The following NT5M variants were observed in gnomAD, a reference collection of about 807,000 sequenced individuals.
NT5M encodes 5',3'-nucleotidase, mitochondrial, also known as 5'(3')-deoxyribonucleotidase, mitochondrial.
In NT5M, 22 loss-of-function variants were observed where a neutral mutation model predicts 22.2. That is an observed-to-expected ratio of 0.99 (90% CI 0.71 to 1.41). NT5M has a LOEUF of 1.41. NT5M is among the 40% of genes most tolerant of loss of function. NT5M has a pLI of 0.00. For missense variants in NT5M, 322 were observed against 314.8 expected, an observed-to-expected ratio of 1.02 and a Z score of -0.17; for synonymous variants, 167 against 133.0, an observed-to-expected ratio of 1.26 and a Z score of -1.76.
intron 1 of NT5M, among the ~76,000 whole-genome samples, chr17:17,306,304 T>C (rs937855100): frequency 6.6e-6 from 1 of 152,196 alleles, no homozygotes; most frequent in African/African-American, 2.4e-5. Flanking sequence ...TAGGAGTCCA[T>C]GGGCCTGACA....
intron 2 of NT5M, among the ~76,000 whole-genome samples, chr17:17,317,096 C>T (rs1180243451): frequency 1.3e-5 from 2 of 148,998 alleles, no homozygotes; most frequent in African/African-American, 5.0e-5. Context: ...GTCGCCCAGG[C>T]TGGAGTGCTG....
chr17:17,309,991 A>AT (rs1314027149), intron 2 of NT5M, among the ~76,000 whole-genome samples: 2 of 151,700 alleles, frequency 1.3e-5, no homozygotes, highest in Admixed American at 6.6e-5. Flanking sequence ...CACCTGGCTA[A>AT]TTTTTTGTAT....
chr17:17,331,073 T>C (rs1467438588), intron 3 of NT5M, among the ~76,000 whole-genome samples: 3 of 151,666 alleles, frequency 2.0e-5, no homozygotes, highest in Non-Finnish European at 4.4e-5. Context: ...AATTTCCAGT[T>C]GCTCCAGTAC....
intron 2 of NT5M, among the ~76,000 whole-genome samples, chr17:17,320,013 T>C (rs1161614062): frequency 1.3e-5 from 2 of 152,176 alleles, no homozygotes; most frequent in African/African-American, 4.8e-5. Flanking sequence ...CGGCTATTTT[T>C]CTATTTTTAG....
intron 2 of NT5M, among the ~76,000 whole-genome samples, chr17:17,314,037 A>ATTTT: frequency 7.6e-6 from 1 of 131,958 alleles, no homozygotes. Flanking sequence ...ATATGAATAT[A>ATTTT]TTCTTTTTTT....
In NT5M at chr17:17,331,585, C is replaced by T. The variant is rs577211896; in HGVS notation, c.429+8340C>T. 2.0e-4 allele frequency among the ~76,000 whole-genome samples: 30 copies of T among 151,360 alleles called. 2 individuals carry two copies. The highest frequency in any genetic ancestry group is 7.1e-4 in the African/African-American group (29 of 40,902). On this transcript the variant is annotated intron_variant, in intron 3 of 4. Transcript: ENST00000389022. ...GATTGTAGACAAAAGTGCATGATCC[C>T]TTTATTTATTTATGTAATTTTTTTT...
intron 1 of NT5M, 62 bp from the exon 2 acceptor site, chr17:17,306,481 C>G: frequency 8.5e-7 from 1 of 1,173,746 alleles, no homozygotes. Context: ...CCATACTCCC[C>G]AAGATGAGGG....
chr17:17,329,547 C>G (rs1182007355), intron 3 of NT5M, among the ~76,000 whole-genome samples: 1 of 152,204 alleles, frequency 6.6e-6, no homozygotes, highest in East Asian at 1.9e-4. Flanking sequence ...TCCAGTTCAA[C>G]AAGGGGAGTA....
intron 2 of NT5M, among the ~76,000 whole-genome samples, chr17:17,319,213 GAAA>G (rs36091965): frequency 1.5e-5 from 2 of 133,170 alleles, no homozygotes; most frequent in African/African-American, 5.7e-5. Context: ...CCTCGTCTTA[GAAA>G]AAAAAAAAAA....
At chr17:17,304,012 C>T (rs2145302696) in intron 1 of NT5M, 195 bp downstream of exon 1, 2 of 1,230,060 alleles carry the variant, frequency 1.6e-6, no homozygotes, top group Non-Finnish European at 2.0e-6. Context: ...TGTTGGCTGC[C>T]ATCCAAGGTT....
chr17:17,325,328 A>G (rs1474165104), intron 3 of NT5M, among the ~76,000 whole-genome samples: 1 of 151,258 alleles, frequency 6.6e-6, no homozygotes, highest in Admixed American at 6.6e-5. Flanking sequence ...AGCTCCAGAC[A>G]CTCAGACCCG....
intron 2 of NT5M, among the ~76,000 whole-genome samples, chr17:17,322,901 CAT>C (rs1223005408): frequency 6.6e-6 from 1 of 152,192 alleles, no homozygotes; most frequent in Non-Finnish European, 1.5e-5. Flanking sequence ...CCTTCTTCCT[CAT>C]AGATTTCTTG....
intron 3 of NT5M, among the ~76,000 whole-genome samples, chr17:17,330,733 T>G (rs969568721): frequency 5.8e-5 from 8 of 136,918 alleles, no homozygotes; most frequent in South Asian, 2.4e-4. Flanking sequence ...TTGCTTTCTT[T>G]CTTTCTTTCT....
intron 2 of NT5M, among the ~76,000 whole-genome samples, chr17:17,321,593 A>G (rs2049152783): frequency 6.6e-6 from 1 of 152,028 alleles, no homozygotes. Context: ...GCTGCCAGGC[A>G]GCTGCAGGCC....
Position 17,303,595 on chromosome 17 carries a change from G to T in NT5M, c.45G>T (p.Ala15=). Residue 15 remains alanine, a synonymous_variant, in exon 1 of 5, where the codon GCG becomes GCT. Transcript: ENST00000389022. ...GGTGTGCGCGGCGGCTCTGCAGCGC[G>T]GCGGTTCCCGCGGGGCGGCGCGGGG... ...GGWCARRLCS[A]AVPAGRRGAA... is the part of the protein sequence containing the mutation. 8.3e-7 allele frequency: 1 copy of T among 1,206,500 alleles called. No individual in the cohort carries two copies. Among genetic ancestry groups the T allele is most frequent in the Non-Finnish European group, 1.0e-6 (1 of 966,886 alleles). 74.7% of individuals were successfully genotyped at this position (1,206,500 alleles called of 1,614,324 possible).
At chr17:17,338,919 G>T (rs945147370) in intron 3 of NT5M, among the ~76,000 whole-genome samples, 6 of 151,754 alleles carry the variant, frequency 4.0e-5, no homozygotes, top group African/African-American at 1.5e-4. Flanking sequence ...AGTAGAGACG[G>T]GGTTTCACTG....
chr17:17,337,884 C>T (rs1299269575), intron 3 of NT5M, among the ~76,000 whole-genome samples: 1 of 152,156 alleles, frequency 6.6e-6, no homozygotes, highest in African/African-American at 2.4e-5. Flanking sequence ...GTATCCTTTG[C>T]TGTGCAGAAG....
intron 2 of NT5M, among the ~76,000 whole-genome samples, chr17:17,316,341 AGCCACCGT>A (rs1268486095): frequency 6.6e-6 from 1 of 151,810 alleles, no homozygotes; most frequent in Non-Finnish European, 1.5e-5. Context: ...TACATGCGTG[AGCCACCGT>A]GCCCAGCTGT....
At chr17:17,326,952 C>A (rs1489304092) in intron 3 of NT5M, among the ~76,000 whole-genome samples, 1 of 152,158 alleles carries the variant, frequency 6.6e-6, no homozygotes, top group Non-Finnish European at 1.5e-5. Context: ...CACTATGTCA[C>A]CCAGGCTGGA....
Sources: allele counts gnomAD v4.1 joint callset (sites outside exome capture counted in the v4.1 genomes callset), GRCh38; gene constraint gnomAD v4.1.1; transcripts MANE v1.5; gene names NCBI Gene and HGNC (gene_info 2026-07-23, HGNC 2026-07-21).